ANO9: variants seen among roughly 807,000 people sequenced by gnomAD.
ANO9 encodes anoctamin 9.
Under a neutral mutation model 100.5 loss-of-function variants are expected in ANO9, and 80 were observed. That is an observed-to-expected ratio of 0.80 (90% CI 0.66 to 0.96). The LOEUF (loss-of-function observed/expected upper bound fraction) is 0.96. Among genes scored for constraint, ANO9 ranks in the 40% least tolerant of loss-of-function variants. ANO9 has a pLI of 0.00. For missense variants in ANO9, 1,064 were observed against 1,072.7 expected, an observed-to-expected ratio of 0.99 and a Z score of 0.11; for synonymous variants, 473 against 435.6, an observed-to-expected ratio of 1.09 and a Z score of -1.07.
In ANO9 at chr11:418,343, C is replaced by A. The variant is rs749220522; in HGVS notation, c.*28G>T. 1.3e-6 allele frequency: 2 copies of A among 1,550,540 alleles called. No homozygotes were observed. The highest frequency in any genetic ancestry group is 1.2e-5 in the South Asian group (1 of 83,744). ...TGCTGGTGGTGGCACTGTCTCAGCT[C>A]CTGGTGGCCTCTGGACGGGCTCTGG... is the stretch of plus-strand genomic sequence containing the variant. On this transcript the variant is annotated 3_prime_UTR_variant, in exon 23 of 23. Coordinates refer to ENST00000332826, the MANE Select transcript of ANO9 (RefSeq NM_001012302.3).
intron 15 of ANO9, among the ~76,000 whole-genome samples, chr11:425,271 G>A (rs991629515): frequency 0.022 from 137 of 6,262 alleles, 24 homozygotes; most frequent in African/African-American, 0.066. Context: ...AAAAGGCGGC[G>A]TGGAGAGACG....
At chr11:419,886 A>G in intron 19 of ANO9, 157 bp from the exon 20 acceptor site, 1 of 1,429,116 alleles carries the variant, frequency 7.0e-7, no homozygotes, top group South Asian at 1.4e-5. Context: ...GTCCCCAGCC[A>G]TGGCAGAGCA....
intron 15 of ANO9, among the ~76,000 whole-genome samples, chr11:426,155 G>T (rs1477121828): frequency 6.6e-6 from 1 of 152,172 alleles, no homozygotes; most frequent in Non-Finnish European, 1.5e-5. Context: ...CTTTCTGGAG[G>T]TCTCTTTAGC....
intron 15 of ANO9, among the ~76,000 whole-genome samples, chr11:425,976 C>T (rs571184755): frequency 1.3e-5 from 2 of 152,264 alleles, no homozygotes; most frequent in African/African-American, 2.4e-5. Context: ...TCATGATCCT[C>T]GTGCCTCGGC....
intron 1 of ANO9, among the ~76,000 whole-genome samples, chr11:439,624 G>A (rs947667082): frequency 8.9e-6 from 1 of 111,886 alleles, no homozygotes; most frequent in African/African-American, 3.9e-5. Flanking sequence ...CCTCTTGGCC[G>A]GTGCCCTGAG....
rs2133671481 is a variant in ANO9, at chr11:418,529, C to G, written c.2191G>C (p.Val731Leu). 2 of 1,613,180 alleles carry G rather than the reference C, an allele frequency of 1.2e-6. No individual in the cohort carries two copies. The highest frequency in any genetic ancestry group is 1.7e-6 in the Non-Finnish European group (2 of 1,180,002). The change falls in exon 23 of 23, where the codon GTG (valine) becomes CTG (leucine). Residue 731 changes from valine (V) to leucine (L), a missense_variant. Physicochemically the swap from Val to Leu is conservative, Grantham distance 32. Coordinates refer to ENST00000332826, the MANE Select transcript of ANO9 (RefSeq NM_001012302.3). ...AWFVPDIPQSVKNKVLEVKYQ... is the reference protein window; with the variant it reads ...AWFVPDIPQSLKNKVLEVKYQ... ...TTCACCTCCAGAACCTTGTTCTTCA[C>G]CGACTGAGGGATGTCGGGCACGAAC...
intron 1 of ANO9, among the ~76,000 whole-genome samples, chr11:441,669 A>T (rs982799455): frequency 2.0e-4 from 30 of 152,162 alleles, no homozygotes; most frequent in African/African-American, 7.0e-4. Context: ...TGGTGCCCTC[A>T]GAATCCCGGG....
At chr11:435,327 T>C (rs1849383700) in intron 1 of ANO9, among the ~76,000 whole-genome samples, 1 of 152,064 alleles carries the variant, frequency 6.6e-6, no homozygotes, top group Admixed American at 6.6e-5. Flanking sequence ...TAGTATGGTA[T>C]AGTATGGTCT....
At chr11:426,232 G>A (rs1406312379) in intron 15 of ANO9, among the ~76,000 whole-genome samples, 1 of 152,104 alleles carries the variant, frequency 6.6e-6, no homozygotes. Flanking sequence ...AGGTGCAGTG[G>A]GTCACACCTG....
At chr11:434,759 C>T (rs988656042) in intron 1 of ANO9, among the ~76,000 whole-genome samples, 3 of 152,200 alleles carry the variant, frequency 2.0e-5, no homozygotes, top group South Asian at 2.1e-4. Flanking sequence ...GGGTGACGGG[C>T]GCAGGCACAT....
At position 429,804 on chromosome 11, in the gene ANO9, A is replaced by T. The variant is rs777334120; in HGVS notation, c.786T>A (p.Phe262Leu). ...TCTFAKLTHL[F>L]DNDGTVVFAI... ...CGAACACCACCGTGCCATCATTGTC[A>T]AAGAGGTGGGTGAGCTGGGGGGGTG... The change falls in exon 10 of 23, where the codon TTT becomes TTA. Residue 262 changes from phenylalanine (F) to leucine (L), a missense_variant. By Grantham distance (22) the Phe-to-Leu change is conservative. Transcript: ENST00000332826. 1 of 1,606,530 alleles carries T rather than the reference A, an allele frequency of 6.2e-7. No individual in the cohort carries two copies. The highest frequency in any genetic ancestry group is 2.2e-5 in the East Asian group (1 of 44,724).
chr11:435,393 GGTATAGTCTA>G (rs1413232347), intron 1 of ANO9, among the ~76,000 whole-genome samples: 1 of 151,256 alleles, frequency 6.6e-6, no homozygotes, highest in Non-Finnish European at 1.5e-5. Context: ...AGCATAATAT[GGTATAGTCTA>G]GTATAGTCTA....
At position 429,603 on chromosome 11, in the gene ANO9, C is replaced by A. The variant is rs1457007295; in HGVS notation, c.882G>T (p.Leu294=). The A allele has an allele frequency of 6.2e-7, 1 of 1,612,612 alleles. No individual in the cohort carries two copies. Among genetic ancestry groups the A allele is most frequent in the South Asian group, 1.1e-5 (1 of 91,086 alleles). The change falls in exon 11 of 23, where the codon CTG becomes CTT. Residue 294 remains leucine, a synonymous_variant. Transcript: ENST00000332826. ...IWKRQRARVV[L]HWDLYVWDEE... ...CGTCCCACACGTACAGGTCCCAGTG[C>A]AGGACCACGCGGGCGCGCTGCCGCT... is the stretch of plus-strand genomic sequence containing the variant.
chr11:429,616 G>C lies in ANO9; in HGVS notation c.869C>G (p.Ala290Gly). The C allele has an allele frequency of 1.2e-6, 2 of 1,612,612 alleles. No homozygotes were observed. The highest frequency in any genetic ancestry group is 1.7e-6 in the Non-Finnish European group (2 of 1,179,876). Residue 290 changes from alanine (A) to glycine (G), a missense_variant, in exon 11 of 23, where the codon GCC becomes GGC. Coordinates refer to ENST00000332826, the MANE Select transcript of ANO9 (RefSeq NM_001012302.3). ...CAGGTCCCAGTGCAGGACCACGCGG[G>C]CGCGCTGCCGCTTCCAGATCTCCAG... ...VFLEIWKRQR[A>G]RVVLHWDLYV... is the part of the protein sequence containing the mutation.
chr11:421,386 A>ACCCC lies in ANO9; in HGVS notation c.1335-189_1335-188insGGGG, dbSNP rs1247665543. 3.8e-6 allele frequency: 2 copies of ACCCC among 519,588 alleles called. No homozygotes were observed. The highest frequency in any genetic ancestry group is 7.6e-5 in the Admixed American group (2 of 26,438). 32.2% of individuals were successfully genotyped at this position (519,588 alleles called of 1,614,324 possible). ...CGTGGGCACGCACACACACACACAC[A>ACCCC]CACACAGGGGAGGCCACAGGCTCCC... is the stretch of plus-strand genomic sequence containing the variant. On this transcript the variant is annotated intron_variant, in intron 15 of 22. Transcript: ENST00000332826. This position sits in a 1 kb window ranked among gnomAD's most constrained non-coding sequence, Gnocchi z 6.8.
Position 428,412 on chromosome 11 carries a change from G to A in ANO9, c.1186-18C>T, listed in dbSNP as rs746706708. 1.9e-5 allele frequency: 31 copies of A among 1,612,650 alleles called. No individual in the cohort carries two copies. The highest frequency in any genetic ancestry group is 1.3e-4 in the South Asian group (12 of 91,076). Reference sequence around the variant, plus strand: ...CTGTTGATCTGCGGAGGAGGGCACCGAATGGGCTCACTGGGGCTCCGGTGG... The same window carrying A: ...CTGTTGATCTGCGGAGGAGGGCACCAAATGGGCTCACTGGGGCTCCGGTGG... On this transcript the variant is annotated intron_variant, in intron 13 of 22. Transcript: ENST00000332826.
At chr11:425,635 A>G (rs953898553) in intron 15 of ANO9, among the ~76,000 whole-genome samples, 4 of 151,610 alleles carry the variant, frequency 2.6e-5, no homozygotes, top group African/African-American at 9.7e-5. Context: ...TAATATGAAC[A>G]GTCAATTCAT....
At chr11:439,152 T>C (rs1223119275) in intron 1 of ANO9, among the ~76,000 whole-genome samples, 1 of 152,170 alleles carries the variant, frequency 6.6e-6, no homozygotes, top group Non-Finnish European at 1.5e-5. Context: ...AACCACACAC[T>C]GTTCTCCCCC....
chr11:436,488 C>T (rs1849555343), intron 1 of ANO9, among the ~76,000 whole-genome samples: 1 of 151,832 alleles, frequency 6.6e-6, no homozygotes, highest in Non-Finnish European at 1.5e-5. Context: ...TTCTCTCTAC[C>T]GTCTCAACCA....
Sources: gnomAD v4.1 joint callset for allele counts (sites outside exome capture counted in the v4.1 genomes callset) on GRCh38, gnomAD v4.1.1 for gene constraint, Gnocchi (gnomAD v3.1) non-coding constraint, MANE v1.5 for transcripts, NCBI Gene and HGNC (gene_info 2026-07-23, HGNC 2026-07-21) for gene names.